Variants in LARGE1 observed in about 807,000 individuals in gnomAD.
The protein encoded by LARGE1 is LARGE xylosyl- and glucuronyltransferase 1.
A neutral mutation model predicts 87.6 loss-of-function variants in LARGE1; 43 were observed. That is an observed-to-expected ratio of 0.49 (90% CI 0.38 to 0.63). The LOEUF is 0.63. Among genes scored for constraint, LARGE1 ranks in the 30% least tolerant of loss-of-function variants. The pLI is 0.00. For synonymous variants in LARGE1, 434 were observed against 394.6 expected (o/e 1.10, Z -1.18); for missense variants, 802 against 1,000.2 (o/e 0.80, Z 2.67).
intron 1 of LARGE1, among the ~76,000 whole-genome samples, chr22:33,883,738 A>G (rs1468718176): frequency 6.6e-6 from 1 of 152,182 alleles, no homozygotes; most frequent in Non-Finnish European, 1.5e-5. Context: ...AGAAAGCCCC[A>G]TGACTCATTC....
At chr22:33,282,559 C>T (rs1303355220) in intron 13 of LARGE1, among the ~76,000 whole-genome samples, 2 of 152,128 alleles carry the variant, frequency 1.3e-5, no homozygotes, top group Admixed American at 1.3e-4. Context: ...ACACTGGGGA[C>T]AGGTGACAGG....
intron 6 of LARGE1, among the ~76,000 whole-genome samples, chr22:33,488,967 C>T (rs1267373285): frequency 6.6e-6 from 1 of 152,188 alleles, no homozygotes; most frequent in Non-Finnish European, 1.5e-5. Context: ...GACATATGAT[C>T]CCCTTCACAA....
chr22:33,579,562 T>C (rs1252521924), intron 5 of LARGE1, among the ~76,000 whole-genome samples: 1 of 152,140 alleles, frequency 6.6e-6, no homozygotes, highest in Admixed American at 6.5e-5. Context: ...AGGACACTGA[T>C]AAAGACCTGC....
intron 5 of LARGE1, among the ~76,000 whole-genome samples, chr22:33,582,886 G>C (rs918005458): frequency 1.1e-4 from 17 of 152,178 alleles, no homozygotes; most frequent in African/African-American, 4.1e-4. Flanking sequence ...GTAGCTCCAA[G>C]GTGTACCTGG....
intron 6 of LARGE1, among the ~76,000 whole-genome samples, chr22:33,495,879 T>C (rs2070090398): frequency 1.3e-5 from 2 of 152,278 alleles, no homozygotes; most frequent in South Asian, 4.1e-4. Context: ...TATGTTGAAA[T>C]CTAGTCCTCA....
intron 2 of LARGE1, among the ~76,000 whole-genome samples, chr22:33,759,671 C>G (rs554609229): frequency 1.3e-5 from 2 of 152,106 alleles, no homozygotes; most frequent in Non-Finnish European, 1.5e-5. Flanking sequence ...ATTATTATTA[C>G]CAGCTTAGTT....
At chr22:33,415,462 G>A (rs1215770671) in intron 7 of LARGE1, among the ~76,000 whole-genome samples, 2 of 152,194 alleles carry the variant, frequency 1.3e-5, no homozygotes, top group African/African-American at 4.8e-5. Context: ...GTGAGGGCTG[G>A]TGCTCCAGGA....
chr22:33,400,961 C>A (rs913140146), intron 7 of LARGE1, among the ~76,000 whole-genome samples: 2 of 152,168 alleles, frequency 1.3e-5, no homozygotes, highest in African/African-American at 4.8e-5. Context: ...ATACTCTGCC[C>A]TTCTCTGTGC....
At chr22:33,882,021 G>A (rs565635131) in intron 1 of LARGE1, among the ~76,000 whole-genome samples, 67 of 148,982 alleles carry the variant, frequency 4.5e-4, no homozygotes, top group Non-Finnish European at 3.3e-4. Context: ...TCTTTGCGGG[G>A]TTTTTTTGTT....
At chr22:33,437,142 A>C (rs1048690393) in intron 6 of LARGE1, among the ~76,000 whole-genome samples, 5 of 152,194 alleles carry the variant, frequency 3.3e-5, no homozygotes, top group Admixed American at 2.0e-4. Flanking sequence ...TGCACATTAA[A>C]GTTTGAGAAT....
chr22:33,691,832 G>A (rs1162182416), intron 2 of LARGE1, among the ~76,000 whole-genome samples: 2 of 152,134 alleles, frequency 1.3e-5, no homozygotes, highest in South Asian at 2.1e-4. Flanking sequence ...GTGGACTCTC[G>A]TCTTCTCTAG....
intron 3 of LARGE1, among the ~76,000 whole-genome samples, chr22:33,630,771 T>C (rs2080084418): frequency 6.6e-6 from 1 of 152,140 alleles, no homozygotes; most frequent in African/African-American, 2.4e-5. Flanking sequence ...ACTAAGTTTA[T>C]AAAAAATATT....
intron 3 of LARGE1, among the ~76,000 whole-genome samples, chr22:33,646,136 G>T (rs1430790571): frequency 6.6e-6 from 1 of 152,150 alleles, no homozygotes; most frequent in East Asian, 1.9e-4. Flanking sequence ...ACACACACAC[G>T]TATGTTAACT....
At chr22:33,891,731 G>T (rs1405979741) in intron 1 of LARGE1, among the ~76,000 whole-genome samples, 1 of 152,192 alleles carries the variant, frequency 6.6e-6, no homozygotes, top group East Asian at 1.9e-4. Flanking sequence ...CACTGTAAAT[G>T]TTGGCTATTA....
At chr22:33,872,344 C>T (rs1436943650) in intron 1 of LARGE1, among the ~76,000 whole-genome samples, 6 of 146,704 alleles carry the variant, frequency 4.1e-5, no homozygotes, top group East Asian at 2.0e-4. Context: ...AGAGCAGACA[C>T]GCAGTAAATG....
intron 4 of LARGE1, among the ~76,000 whole-genome samples, chr22:33,610,381 T>C (rs747423120): frequency 1.3e-5 from 2 of 152,196 alleles, no homozygotes. Flanking sequence ...GGGAACTTGA[T>C]TAAAGGTCAC....
intron 2 of LARGE1, among the ~76,000 whole-genome samples, chr22:33,734,341 A>G (rs1475738168): frequency 6.6e-6 from 1 of 152,186 alleles, no homozygotes; most frequent in East Asian, 1.9e-4. Context: ...TGAAAGACGA[A>G]CATGAGCTTG....
intron 1 of LARGE1, among the ~76,000 whole-genome samples, chr22:33,771,973 T>C (rs1187023363): frequency 6.6e-6 from 1 of 152,190 alleles, no homozygotes; most frequent in Non-Finnish European, 1.5e-5. Flanking sequence ...ACTATACGAA[T>C]CGAAGCTACC....
chr22:33,068,081 C>T, the LARGE1 span, among the ~76,000 whole-genome samples: 1 of 152,064 alleles, frequency 6.6e-6, no homozygotes, highest in Non-Finnish European at 1.5e-5. Flanking sequence ...GTCCTGAAAT[C>T]CAGAACCTGG....
Sources: gnomAD v4.1 joint callset for allele counts (sites outside exome capture counted in the v4.1 genomes callset) on GRCh38, gnomAD v4.1.1 for gene constraint, MANE v1.5 for transcripts, NCBI Gene and HGNC (gene_info 2026-07-23, HGNC 2026-07-21) for gene names.